Variants in LRRC71 observed in about 807,000 individuals in gnomAD.
LRRC71 encodes leucine-rich repeat-containing protein 71.
Under a neutral mutation model 66.6 loss-of-function variants are expected in LRRC71, and 54 were observed. The observed-to-expected ratio is 0.81, with a 90% CI of 0.65 to 1.02. The LOEUF is 1.02. Among genes scored for constraint, LRRC71 ranks in the 50% least tolerant of loss-of-function variants. The pLI is 0.00. For missense variants in LRRC71, 724 were observed against 718.0 expected (o/e 1.01, Z -0.10); for synonymous variants, 323 against 303.9 (o/e 1.06, Z -0.65).
chr1:156,927,866 C>G (rs1459159327), intron 8 of LRRC71, 49 bp from the exon 9 acceptor site: 1 of 1,610,912 alleles, frequency 6.2e-7, no homozygotes, highest in Non-Finnish European at 8.5e-7. Context: ...CCGAGGGAGC[C>G]GACCCTGACT....
At chr1:156,925,132 C>A in intron 5 of LRRC71, 117 bp downstream of exon 5, 1 of 920,452 alleles carries the variant, frequency 1.1e-6, no homozygotes, top group Non-Finnish European at 1.7e-6. Context: ...GCCTGGCATC[C>A]CTGTGGAAGC....
intron 9 of LRRC71, 134 bp from the exon 10 acceptor site, chr1:156,929,146 T>G: frequency 9.6e-7 from 1 of 1,038,546 alleles, no homozygotes; most frequent in Non-Finnish European, 1.4e-6. Context: ...TATTTTAGCA[T>G]TTAGGCAGGG....
Position 156,920,920 on chromosome 1 carries a change from G to C in LRRC71, c.117G>C (p.Ala39=), listed in dbSNP as rs1265735015. The change falls in exon 1 of 15, where the codon GCG becomes GCC. Residue 39 remains alanine, a synonymous_variant. Coordinates refer to ENST00000337428, the MANE Select transcript of LRRC71 (RefSeq NM_144702.3). This position sits in a 1 kb window ranked among gnomAD's most constrained non-coding sequence, Gnocchi z 4.9. ...AGCGCGCGGCCAAAGAGAAGCCAGC[G>C]ACCGTTCTGCCTCCCGTGGGGGAGG... is the stretch of plus-strand genomic sequence containing the variant. The part of the protein sequence containing the change: ...KGERAAKEKP[A]TVLPPVGEEE... 6 of 1,541,282 alleles carry C rather than the reference G, an allele frequency of 3.9e-6. No homozygotes were observed. Among genetic ancestry groups the C allele is most frequent in the Non-Finnish European group, 4.4e-6 (5 of 1,142,492 alleles).
At chr1:156,923,340 G>A (rs959845963) in intron 1 of LRRC71, among the ~76,000 whole-genome samples, 1 of 152,202 alleles carries the variant, frequency 6.6e-6, no homozygotes, top group Non-Finnish European at 1.5e-5. Context: ...AGTTTGCATA[G>A]CACAGCCCTC....
At chr1:156,935,997 C>T (rs750846282), downstream of LRRC71, 29 of 1,612,130 alleles carry the variant, frequency 1.8e-5, no homozygotes, top group Middle Eastern at 3.5e-4. Context: ...GTGGTTTGTA[C>T]GGTTATGGTC....
downstream of LRRC71, among the ~76,000 whole-genome samples, chr1:156,936,497 A>AAAATATATATATATATATATAT (rs370282821): frequency 2.9e-5 from 1 of 33,938 alleles, no homozygotes. Context: ...AAAAAAAAAA[A>AAAATATATATATATATATATAT]ATATATATAT....
downstream of LRRC71, among the ~76,000 whole-genome samples, chr1:156,933,683 C>T (rs1055561581): frequency 1.3e-5 from 2 of 152,214 alleles, no homozygotes; most frequent in African/African-American, 4.8e-5. Flanking sequence ...GGTCCCCAAA[C>T]CTTTACCCTT....
chr1:156,938,317 T>G, the LRRC71 span: 2 of 1,073,020 alleles, frequency 1.9e-6, no homozygotes, highest in Non-Finnish European at 2.7e-6. Flanking sequence ...TGAGGGAGCT[T>G]GTGGGTGTGT....
At chr1:156,932,734 G>A in intron 14 of LRRC71, 119 bp from the exon 15 acceptor site, 1 of 1,503,432 alleles carries the variant, frequency 6.7e-7, no homozygotes, top group Non-Finnish European at 9.2e-7. Context: ...TAATCACTCT[G>A]CTTTTTCTGC....
chr1:156,922,658 G>T (rs987572573), intron 1 of LRRC71, among the ~76,000 whole-genome samples: 1 of 152,224 alleles, frequency 6.6e-6, no homozygotes, highest in African/African-American at 2.4e-5. Context: ...ACAGGGCAGC[G>T]CTCTTTTAGA....
At chr1:156,935,906 G>A, downstream of LRRC71, 1 of 1,387,498 alleles carries the variant, frequency 7.2e-7, no homozygotes, top group Non-Finnish European at 9.8e-7. Context: ...CCTCCACAGG[G>A]AGGAGTGTTG....
Position 156,924,931 on chromosome 1 carries a change from A to C in LRRC71, c.516-7A>C, listed in dbSNP as rs1432359103. 1.3e-6 allele frequency: 2 copies of C among 1,551,692 alleles called. No individual in the cohort carries two copies. The highest frequency in any genetic ancestry group is 1.7e-6 in the Non-Finnish European group (2 of 1,146,982). ...CTCTGTGTTTCTGCACTTCCCGCCCACGACAGCTTGTGGAAGGTGGGGCTG... is the reference window on the plus strand; with the variant it reads ...CTCTGTGTTTCTGCACTTCCCGCCCCCGACAGCTTGTGGAAGGTGGGGCTG... On this transcript the variant is annotated splice_region_variant and splice_polypyrimidine_tract_variant and intron_variant, in intron 4 of 14. Transcript: ENST00000337428.
At chr1:156,923,027 C>T (rs1351255432) in intron 1 of LRRC71, among the ~76,000 whole-genome samples, 1 of 152,228 alleles carries the variant, frequency 6.6e-6, no homozygotes, top group African/African-American at 2.4e-5. Context: ...TGGGTTACCA[C>T]TGATGGCCAG....
intron 9 of LRRC71, among the ~76,000 whole-genome samples, chr1:156,928,446 C>T: frequency 9.4e-6 from 1 of 106,472 alleles, no homozygotes; most frequent in Non-Finnish European, 1.8e-5. Context: ...TCCTCTTCCT[C>T]CTCCTCTTCT....
downstream of LRRC71, chr1:156,937,558 G>A (rs779852999): frequency 2.9e-4 from 436 of 1,480,798 alleles, no homozygotes; most frequent in Non-Finnish European, 3.7e-4. Flanking sequence ...CTATCCTCCC[G>A]TTCCTGTGGG....
rs748125159 is a variant in LRRC71, at chr1:156,932,971, C to T, written c.*2C>T. On this transcript the variant is annotated 3_prime_UTR_variant, in exon 15 of 15. Transcript: ENST00000337428. Reference sequence around the variant, plus strand: ...GAGGCCATGGCATTCTTCCCCTAGCCCCCTCCCACCTGCTTGCCTCTAAGA... The same window carrying T: ...GAGGCCATGGCATTCTTCCCCTAGCTCCCTCCCACCTGCTTGCCTCTAAGA... The T allele has an allele frequency of 1.0e-5, 16 of 1,556,656 alleles. No homozygotes were observed. Among genetic ancestry groups the T allele is most frequent in the Admixed American group, 7.7e-5 (4 of 52,054 alleles).
downstream of LRRC71, chr1:156,936,940 C>T (rs369823751): frequency 3.5e-5 from 56 of 1,614,088 alleles, no homozygotes; most frequent in Middle Eastern, 1.7e-4. Flanking sequence ...TGCCCACAGG[C>T]GTGGTGCCAC....
the LRRC71 span, chr1:156,940,204 C>T: frequency 1.9e-6 from 3 of 1,571,414 alleles, no homozygotes; most frequent in South Asian, 2.4e-5. Flanking sequence ...TTGAAGCACT[C>T]ACCATCTTCC....
downstream of LRRC71, chr1:156,935,754 G>A (rs2101689546): frequency 2.0e-6 from 1 of 507,890 alleles, no homozygotes. Flanking sequence ...GATGCAGTCA[G>A]CATGCTTAGG....
Sources: allele counts gnomAD v4.1 joint callset (sites outside exome capture counted in the v4.1 genomes callset), GRCh38; gene constraint gnomAD v4.1.1; non-coding constraint Gnocchi (gnomAD v3.1); transcripts MANE v1.5; gene names NCBI Gene and HGNC (gene_info 2026-07-23, HGNC 2026-07-21).